Variants in GPR55 observed in about 807,000 individuals in gnomAD.
The protein encoded by GPR55 is G-protein coupled receptor 55.
Under a neutral mutation model 7.9 loss-of-function variants are expected in GPR55, and 6 were observed. That is an observed-to-expected ratio of 0.76 (90% confidence interval 0.41 to 1.49). The LOEUF is 1.49. GPR55 is among the 40% of genes most tolerant of loss of function. The probability of loss-of-function intolerance (pLI) is 0.01; values close to 1 mark genes in which losing one functional copy is unlikely to be tolerated. For missense variants in GPR55, 376 were observed against 406.0 expected, an observed-to-expected ratio of 0.93 and a Z score of 0.63; for synonymous variants, 183 against 166.8, an observed-to-expected ratio of 1.10 and a Z score of -0.75.
chr2:230,936,473 T>C (rs1187984582), intron 1 of GPR55, among the ~76,000 whole-genome samples: 2 of 152,200 alleles, frequency 1.3e-5, no homozygotes, highest in Admixed American at 6.5e-5. Flanking sequence ...AAGAAGGACA[T>C]GTTTGCTTCC....
intron 1 of GPR55, among the ~76,000 whole-genome samples, chr2:230,950,251 C>A (rs989745274): frequency 3.7e-4 from 57 of 152,232 alleles, no homozygotes; most frequent in African/African-American, 1.3e-3. Flanking sequence ...TGTCTGGGAA[C>A]CACTGGCCTG....
chr2:230,953,286 G>A (rs1196973952), intron 1 of GPR55, among the ~76,000 whole-genome samples: 4 of 152,214 alleles, frequency 2.6e-5, no homozygotes, highest in African/African-American at 9.7e-5. Flanking sequence ...AATTAAGGTT[G>A]TCAATGGAAT....
At chr2:230,927,396 C>T (rs1481401001), upstream of GPR55, among the ~76,000 whole-genome samples, 1 of 152,208 alleles carries the variant, frequency 6.6e-6, no homozygotes, top group African/African-American at 2.4e-5. Context: ...GTTTGAGCTC[C>T]TAAGAGCAAG....
At chr2:230,955,348 T>C (rs563181385) in intron 1 of GPR55, among the ~76,000 whole-genome samples, 1 of 152,350 alleles carries the variant, frequency 6.6e-6, no homozygotes, top group African/African-American at 2.4e-5. Context: ...TGACAGCATA[T>C]CTGAGTCCTT....
chr2:230,926,772 C>G (rs942272972), upstream of GPR55, among the ~76,000 whole-genome samples: 2 of 150,954 alleles, frequency 1.3e-5, no homozygotes, highest in African/African-American at 2.4e-5. Flanking sequence ...TCACTGCAAC[C>G]TCCACTTCCC....
At chr2:230,914,771 G>C (rs1037817699) in intron 1 of GPR55, among the ~76,000 whole-genome samples, 11 of 152,218 alleles carry the variant, frequency 7.2e-5, no homozygotes, top group Admixed American at 6.5e-4. Flanking sequence ...TCAAGCAATG[G>C]TACTGTAGTT....
upstream of GPR55, among the ~76,000 whole-genome samples, chr2:230,926,462 G>A (rs778144166): frequency 1.7e-3 from 252 of 152,278 alleles, 1 homozygote; most frequent in Non-Finnish European, 3.1e-3. Context: ...TGGGCAAGGG[G>A]GGGCAGCCAG....
chr2:230,925,741 G>A (rs531116226), upstream of GPR55, among the ~76,000 whole-genome samples: 21 of 152,320 alleles, frequency 1.4e-4, no homozygotes, highest in South Asian at 6.2e-4. Context: ...CGTGCCTAGC[G>A]TCGGAGGAGA....
chr2:230,937,893 G>T (rs1028357520), intron 1 of GPR55, among the ~76,000 whole-genome samples: 9 of 152,060 alleles, frequency 5.9e-5, no homozygotes, highest in Non-Finnish European at 8.8e-5. Flanking sequence ...AGTGGCTCAT[G>T]CTTGTAATCC....
intron 1 of GPR55, among the ~76,000 whole-genome samples, chr2:230,922,728 A>G (rs1055316658): frequency 6.6e-6 from 1 of 152,040 alleles, no homozygotes; most frequent in Admixed American, 6.5e-5. Flanking sequence ...GGCATGTGCC[A>G]CCACGCCCGG....
intron 1 of GPR55, among the ~76,000 whole-genome samples, chr2:230,958,618 T>C (rs926105468): frequency 6.6e-6 from 1 of 152,188 alleles, no homozygotes; most frequent in Non-Finnish European, 1.5e-5. Context: ...ATGAGTTCGA[T>C]TGTTTCCATT....
chr2:230,929,108 C>T (rs1690990108), upstream of GPR55, among the ~76,000 whole-genome samples: 1 of 152,240 alleles, frequency 6.6e-6, no homozygotes, highest in Non-Finnish European at 1.5e-5. Context: ...CCACCTCGGC[C>T]TCCCAAAGTG....
intron 1 of GPR55, among the ~76,000 whole-genome samples, chr2:230,933,375 T>C (rs1405487233): frequency 6.6e-6 from 1 of 152,148 alleles, no homozygotes; most frequent in Non-Finnish European, 1.5e-5. Flanking sequence ...CTGCAAACCG[T>C]CTCCTGGGAC....
At chr2:230,931,360 C>G (rs1691035108) in intron 1 of GPR55, among the ~76,000 whole-genome samples, 2 of 152,204 alleles carry the variant, frequency 1.3e-5, no homozygotes, top group Non-Finnish European at 2.9e-5. Context: ...GATCAACAGC[C>G]TTGTTGACAG....
At chr2:230,915,733 T>C (rs2125050717) in intron 1 of GPR55, among the ~76,000 whole-genome samples, 1 of 152,240 alleles carries the variant, frequency 6.6e-6, no homozygotes, top group East Asian at 1.9e-4. Flanking sequence ...CATCCATGAA[T>C]AAACAAACCA....
chr2:230,910,487 A>G lies in GPR55; in HGVS notation c.476T>C (p.Phe159Ser). 3 of 1,614,162 alleles carry G rather than the reference A, an allele frequency of 1.9e-6. No homozygotes were observed. The highest frequency in any genetic ancestry group is 2.5e-6 in the Non-Finnish European group (3 of 1,180,018). The change falls in exon 2 of 2, where the codon TTC becomes TCC. Residue 159 changes from phenylalanine to serine, a missense_variant. Physicochemically the swap from Phe to Ser is radical, Grantham distance 155. Coordinates refer to ENST00000650999, the MANE Select transcript of GPR55 (RefSeq NM_005683.4). The surrounding 1 kb of genome is among the most constrained non-coding windows in gnomAD (Gnocchi z 5.4). Reference protein sequence around the residue: ...VWTGSIPIYSFHGKVEKYMCF... With the variant: ...VWTGSIPIYSSHGKVEKYMCF... ...CATGTATTTTTCCACTTTCCCATGG[A>G]AACTGTAGATAGGGATGCTTCCGGT...
At chr2:230,917,519 A>T (rs1254905009) in intron 1 of GPR55, among the ~76,000 whole-genome samples, 1 of 152,230 alleles carries the variant, frequency 6.6e-6, no homozygotes, top group East Asian at 1.9e-4. Flanking sequence ...AAATAAAAAT[A>T]CAGCCTGGCC....
In GPR55 at chr2:230,909,965, G is replaced by A. The variant is rs377543919; in HGVS notation, c.*38C>T. The A allele has an allele frequency of 2.1e-5, 33 of 1,582,934 alleles. No individual in the cohort carries two copies. The African/African-American group carries it at 4.1e-4, about 19-fold the overall frequency. On this transcript the variant is annotated 3_prime_UTR_variant, in exon 2 of 2. Coordinates refer to ENST00000650999, the MANE Select transcript of GPR55 (RefSeq NM_005683.4). ...CGCGATATCCGTTACCAGAATTCAG[G>A]GCCAGGGCTTTCTTCCCCTGAACAG...
intron 1 of GPR55, among the ~76,000 whole-genome samples, chr2:230,945,970 T>G (rs534330382): frequency 6.6e-6 from 1 of 152,258 alleles, no homozygotes; most frequent in Non-Finnish European, 1.5e-5. Flanking sequence ...GGAAACAGCC[T>G]AAGTGTCCAT....
Sources: gnomAD v4.1 joint callset for allele counts (sites outside exome capture counted in the v4.1 genomes callset) on GRCh38, gnomAD v4.1.1 for gene constraint, Gnocchi (gnomAD v3.1) non-coding constraint, MANE v1.5 for transcripts, NCBI Gene and HGNC (gene_info 2026-07-23, HGNC 2026-07-21) for gene names.